Variants in SORCS1 observed in about 807,000 individuals in gnomAD.
SORCS1 encodes the protein sortilin related VPS10 domain containing receptor 1, also known as VPS10 domain-containing receptor SorCS1.
SORCS1 carries 60 observed loss-of-function variants against 146.1 expected under a neutral mutation model. The ratio of observed to expected loss-of-function variants is 0.41; its 90% CI spans 0.33 to 0.51. SORCS1 has a LOEUF of 0.51. SORCS1 is among the 20% of genes least tolerant of loss of function. SORCS1 has a pLI of 0.21. For synonymous variants in SORCS1, 637 were observed against 584.0 expected (o/e 1.09, Z -1.31); for missense variants, 1,352 against 1,487.6 (o/e 0.91, Z 1.50).
chr10:106,641,993 T>G (rs1223620200), intron 18 of SORCS1, among the ~76,000 whole-genome samples: 1 of 152,130 alleles, frequency 6.6e-6, no homozygotes, highest in Non-Finnish European at 1.5e-5. Flanking sequence ...TAAAATTGGC[T>G]CTTGGTAAAA....
intron 18 of SORCS1, among the ~76,000 whole-genome samples, chr10:106,646,077 C>T (rs1283411308): frequency 1.3e-5 from 2 of 151,802 alleles, no homozygotes; most frequent in Non-Finnish European, 2.9e-5. Flanking sequence ...CCAGCCTGAC[C>T]AACATGGTGA....
chr10:106,796,214 A>C (rs1589897079), intron 3 of SORCS1, among the ~76,000 whole-genome samples: 1 of 152,204 alleles, frequency 6.6e-6, no homozygotes, highest in African/African-American at 2.4e-5. Flanking sequence ...TTCTTTGTGT[A>C]AAGTGAAGAA....
chr10:106,994,063 C>CAAAAAAAAAAAA (rs67408221), intron 1 of SORCS1, among the ~76,000 whole-genome samples: 15 of 80,800 alleles, frequency 1.9e-4, no homozygotes, highest in Admixed American at 3.2e-4. Flanking sequence ...GACCCCATCT[C>CAAAAAAAAAAAA]AAAAAAAAAA....
intron 17 of SORCS1, among the ~76,000 whole-genome samples, chr10:106,653,293 CA>C (rs1367932920): frequency 1.4e-4 from 22 of 152,254 alleles, no homozygotes; most frequent in Admixed American, 1.4e-3. Flanking sequence ...TTTTGAGGTT[CA>C]GCGTTATCTA....
At chr10:106,798,531 T>C (rs1457815606) in intron 3 of SORCS1, among the ~76,000 whole-genome samples, 3 of 146,610 alleles carry the variant, frequency 2.0e-5, no homozygotes, top group African/African-American at 5.0e-5. Context: ...AATGAGAACA[T>C]GCAGTGTTTG....
intron 18 of SORCS1, among the ~76,000 whole-genome samples, chr10:106,652,039 T>C (rs945541000): frequency 2.0e-5 from 3 of 152,316 alleles, no homozygotes; most frequent in East Asian, 1.9e-4. Flanking sequence ...TAGTTTAGTA[T>C]ATGTACGTAT....
intron 8 of SORCS1, among the ~76,000 whole-genome samples, chr10:106,700,966 C>G (rs780195943): frequency 6.6e-6 from 1 of 152,160 alleles, no homozygotes; most frequent in South Asian, 2.1e-4. Context: ...TTATTGCTCT[C>G]TCTAGGTATC....
intron 1 of SORCS1, among the ~76,000 whole-genome samples, chr10:107,147,454 C>T (rs989409124): frequency 1.3e-5 from 2 of 152,132 alleles, no homozygotes; most frequent in Admixed American, 6.5e-5. Flanking sequence ...GGAGCTGTTG[C>T]CTCCAATGCA....
intron 2 of SORCS1, among the ~76,000 whole-genome samples, chr10:106,863,494 C>A: frequency 6.8e-6 from 1 of 147,052 alleles, no homozygotes; most frequent in African/African-American, 2.5e-5. Context: ...CACTGTACTC[C>A]AGCTTGGGCA....
chr10:107,112,999 A>G (rs760302239), intron 1 of SORCS1, among the ~76,000 whole-genome samples: 4 of 152,160 alleles, frequency 2.6e-5, no homozygotes, highest in Admixed American at 6.5e-5. Context: ...ACACTATAAA[A>G]CAAATGAACT....
At chr10:107,017,487 A>AG (rs1314363213) in intron 1 of SORCS1, among the ~76,000 whole-genome samples, 44 of 152,368 alleles carry the variant, frequency 2.9e-4, no homozygotes, top group Non-Finnish European at 1.6e-4. Context: ...TCAGGAGTAT[A>AG]GTTAGCTTTG....
At chr10:107,181,091 T>A in the SORCS1 span, among the ~76,000 whole-genome samples, 1 of 152,160 alleles carries the variant, frequency 6.6e-6, no homozygotes, top group African/African-American at 2.4e-5. Flanking sequence ...GGACTGGAAC[T>A]CGTTTAGGTG....
chr10:106,687,446 T>A (rs1852942474), intron 10 of SORCS1, among the ~76,000 whole-genome samples: 1 of 152,212 alleles, frequency 6.6e-6, no homozygotes, highest in Admixed American at 6.5e-5. Context: ...ATCAGGCTTT[T>A]TTTGTGATAC....
chr10:107,034,223 T>G (rs1589979598), intron 1 of SORCS1, among the ~76,000 whole-genome samples: 1 of 151,208 alleles, frequency 6.6e-6, no homozygotes, highest in East Asian at 1.9e-4. Flanking sequence ...TGGGGAGGGG[T>G]AGAGAGGGAG....
chr10:107,144,101 C>T (rs1968088244), intron 1 of SORCS1, among the ~76,000 whole-genome samples: 1 of 152,104 alleles, frequency 6.6e-6, no homozygotes, highest in Admixed American at 6.5e-5. Context: ...TTAGAGCTTG[C>T]TTGTCTCATG....
At chr10:106,800,485 C>T (rs1279060566) in intron 3 of SORCS1, among the ~76,000 whole-genome samples, 1 of 147,682 alleles carries the variant, frequency 6.8e-6, no homozygotes, top group Non-Finnish European at 1.5e-5. Context: ...GATTGAGGGG[C>T]CAAAAGATAC....
intron 2 of SORCS1, among the ~76,000 whole-genome samples, chr10:106,843,539 C>A (rs771565484): frequency 6.8e-6 from 1 of 146,392 alleles, no homozygotes; most frequent in African/African-American, 2.5e-5. Flanking sequence ...TCACGCCATT[C>A]TCCCACCTCA....
intron 2 of SORCS1, among the ~76,000 whole-genome samples, chr10:106,942,061 C>A (rs997497417): frequency 2.0e-5 from 3 of 152,186 alleles, no homozygotes; most frequent in African/African-American, 7.2e-5. Flanking sequence ...GCAGTGCCTT[C>A]TCCTAGAGAG....
intron 25 of SORCS1, chr10:106,578,811 T>A: frequency 7.8e-7 from 1 of 1,277,034 alleles, no homozygotes. Context: ...TCTTTGCCCA[T>A]AAACATATAA....
Sources: gnomAD v4.1 joint callset for allele counts (sites outside exome capture counted in the v4.1 genomes callset) on GRCh38, gnomAD v4.1.1 for gene constraint, MANE v1.5 for transcripts, NCBI Gene and HGNC (gene_info 2026-07-23, HGNC 2026-07-21) for gene names.